Variants in RBFOX1 observed in about 807,000 individuals in gnomAD.
The protein encoded by RBFOX1 is RNA binding fox-1 homolog 1, also known as RNA binding protein fox-1 homolog 1.
Under a neutral mutation model 57.7 loss-of-function variants are expected in RBFOX1, and 8 were observed. That is an observed-to-expected ratio of 0.14 (90% CI 0.08 to 0.25). The LOEUF (loss-of-function observed/expected upper bound fraction) is 0.25, where lower values mean the gene tolerates loss of function less well. Among genes scored for constraint, RBFOX1 ranks in the 10% least tolerant of loss-of-function variants. The pLI is 1.00. For synonymous variants in RBFOX1, 326 were observed against 222.4 expected, an observed-to-expected ratio of 1.47 and a Z score of -4.15; for missense variants, 611 against 548.5, an observed-to-expected ratio of 1.11 and a Z score of -1.14.
intron 3 of RBFOX1, among the ~76,000 whole-genome samples, chr16:5,764,682 C>G (rs1346023570): frequency 6.6e-6 from 1 of 152,110 alleles, no homozygotes; most frequent in Non-Finnish European, 1.5e-5. Flanking sequence ...GACTCAGTTC[C>G]CTCACACCTG....
At chr16:5,830,449 G>A (rs904916180) in intron 3 of RBFOX1, among the ~76,000 whole-genome samples, 2 of 151,450 alleles carry the variant, frequency 1.3e-5, no homozygotes, top group Non-Finnish European at 2.9e-5. Context: ...TCACAGACTC[G>A]CCACTGAGGG....
At chr16:6,589,551 G>C (rs777366852) in intron 2 of RBFOX1, among the ~76,000 whole-genome samples, 1 of 152,192 alleles carries the variant, frequency 6.6e-6, no homozygotes, top group Non-Finnish European at 1.5e-5. Context: ...AAAATATCTC[G>C]ACCACTGGTC....
chr16:6,692,107 T>C (rs2060286736), intron 3 of RBFOX1, among the ~76,000 whole-genome samples: 2 of 152,208 alleles, frequency 1.3e-5, no homozygotes, highest in Admixed American at 6.5e-5. Context: ...CGAGTAGTTA[T>C]TTTAAGTAAG....
intron 2 of RBFOX1, among the ~76,000 whole-genome samples, chr16:6,563,909 T>C (rs1673465233): frequency 6.6e-6 from 1 of 151,936 alleles, no homozygotes; most frequent in South Asian, 2.1e-4. Flanking sequence ...CGTATATGTG[T>C]GTGTGTGTAT....
intron 1 of RBFOX1, among the ~76,000 whole-genome samples, chr16:5,338,215 C>T (rs965179288): frequency 6.6e-6 from 1 of 152,142 alleles, no homozygotes; most frequent in Non-Finnish European, 1.5e-5. Flanking sequence ...ATATGGATGC[C>T]TTGGGAGCCA....
At chr16:7,277,411 G>C (rs1213285463) in intron 4 of RBFOX1, among the ~76,000 whole-genome samples, 5 of 152,132 alleles carry the variant, frequency 3.3e-5, no homozygotes, top group Admixed American at 3.3e-4. Flanking sequence ...TCTCCAGCTG[G>C]AATGTTGTAC....
rs762521237 is a variant in RBFOX1 at position 7,630,630 on chromosome 16, A to C, written c.704A>C (p.Gln235Pro). 1.2e-6 allele frequency: 2 copies of C among 1,614,214 alleles called. No homozygotes were observed. The highest frequency in any genetic ancestry group is 2.2e-5 in the South Asian group (2 of 91,082). ...ACGGTCCTGTTGTGCCAGGCCAACC[A>C]GGAGGGATCTTCCATGTACAGTGCC... ...AGTVLLCQAN[Q>P]EGSSMYSAPS... Residue 235 changes from glutamine to proline, a missense_variant, in exon 11 of 16, where the codon CAG (glutamine) becomes CCG (proline). This residue lies in a region of RBFOX1 where 99 missense variants were observed against 160.3 expected (regional missense o/e 0.62). Coordinates refer to ENST00000550418, the MANE Select transcript of RBFOX1 (RefSeq NM_018723.4).
At chr16:5,579,292 C>CCCGT (rs1461242696) in intron 2 of RBFOX1, among the ~76,000 whole-genome samples, 1 of 152,126 alleles carries the variant, frequency 6.6e-6, no homozygotes, top group Admixed American at 6.5e-5. Context: ...ATTCTTGCCT[C>CCCGT]CCGTCCGTCA....
chr16:5,407,918 A>G (rs2066909310), intron 1 of RBFOX1, among the ~76,000 whole-genome samples: 1 of 152,166 alleles, frequency 6.6e-6, no homozygotes, highest in Non-Finnish European at 1.5e-5. Context: ...TTAGATTTAC[A>G]TTTTGGCAAG....
At chr16:6,125,709 T>C (rs139602708) in intron 1 of RBFOX1, among the ~76,000 whole-genome samples, 1 of 152,156 alleles carries the variant, frequency 6.6e-6, no homozygotes, top group African/African-American at 2.4e-5. Context: ...TTGATGGTTC[T>C]GGTTGATCAG....
intron 3 of RBFOX1, among the ~76,000 whole-genome samples, chr16:6,713,162 C>T (rs527889469): frequency 3.3e-5 from 5 of 152,168 alleles, no homozygotes; most frequent in South Asian, 2.1e-4. Flanking sequence ...ATATGCCAAT[C>T]TTTTGTTCCC....
chr16:7,239,868 C>A (rs1475559318), intron 4 of RBFOX1, among the ~76,000 whole-genome samples: 1 of 146,942 alleles, frequency 6.8e-6, no homozygotes, highest in Non-Finnish European at 1.5e-5. Context: ...AAAACTGGGC[C>A]CATAGAGTTC....
chr16:5,329,294 C>T (rs1337358496), intron 1 of RBFOX1, among the ~76,000 whole-genome samples: 4 of 152,074 alleles, frequency 2.6e-5, no homozygotes, highest in East Asian at 3.8e-4. Context: ...GGGGAGACCT[C>T]GAGAAACTTA....
At chr16:7,240,653 C>G (rs539527396) in intron 4 of RBFOX1, among the ~76,000 whole-genome samples, 53 of 152,218 alleles carry the variant, frequency 3.5e-4, no homozygotes, top group African/African-American at 1.2e-3. Flanking sequence ...CTTCTGGGCT[C>G]AAGTGATCCT....
chr16:6,541,171 T>G (rs1349304987), intron 2 of RBFOX1, among the ~76,000 whole-genome samples: 2 of 152,180 alleles, frequency 1.3e-5, no homozygotes, highest in African/African-American at 2.4e-5. Context: ...AGATGAGAAC[T>G]CTTTCATTCT....
chr16:7,494,371 A>C (rs2067905758), intron 4 of RBFOX1, among the ~76,000 whole-genome samples: 1 of 152,076 alleles, frequency 6.6e-6, no homozygotes, highest in African/African-American at 2.4e-5. Flanking sequence ...TTATTTTCCA[A>C]GCCCGCTGTG....
chr16:7,205,502 G>C (rs2089753948), intron 4 of RBFOX1, among the ~76,000 whole-genome samples: 1 of 146,608 alleles, frequency 6.8e-6, no homozygotes, highest in African/African-American at 2.6e-5. Flanking sequence ...GATAGAGTGA[G>C]ACTCTGTCTC....
At position 6,324,357 on chromosome 16, in the gene RBFOX1, A is replaced by G. The variant is rs369887822; in HGVS notation, c.-64+7300A>G. Among the ~76,000 whole-genome samples, 124 of 152,288 alleles carry G rather than the reference A, an allele frequency of 8.1e-4. 2 individuals carry two copies. In the South Asian group the frequency reaches 0.024, roughly 30 times the overall value. The stretch of plus-strand genomic sequence containing the variant: ...TTGCTATAAAGAGATACCTGAGACT[A>G]GGTAATTTATAAAGAAAAGATATTT... On this transcript the variant is annotated intron_variant, in intron 2 of 15. Coordinates refer to ENST00000550418, the MANE Select transcript of RBFOX1 (RefSeq NM_018723.4).
At chr16:6,379,273 C>T (rs573816222) in intron 2 of RBFOX1, among the ~76,000 whole-genome samples, 5 of 152,218 alleles carry the variant, frequency 3.3e-5, no homozygotes, top group Non-Finnish European at 7.4e-5. Flanking sequence ...AAAACCATGA[C>T]AGTGAAAGGT....
Sources: gnomAD v4.1 joint callset for allele counts (sites outside exome capture counted in the v4.1 genomes callset) on GRCh38, gnomAD v4.1.1 for gene constraint, gnomAD v4.1.1 regional missense constraint, MANE v1.5 for transcripts, NCBI Gene and HGNC (gene_info 2026-07-23, HGNC 2026-07-21) for gene names.